The following HUS1 variants were observed in gnomAD, a reference collection of about 807,000 sequenced individuals.
HUS1 encodes the protein checkpoint protein HUS1.
In HUS1, 31 loss-of-function variants were observed where a neutral mutation model predicts 32.6. The observed-to-expected ratio is 0.95, with a 90% CI of 0.72 to 1.28. HUS1 has a LOEUF of 1.28. Ranked by LOEUF, HUS1 falls within the 50% of genes most tolerant of loss-of-function variation. The pLI, the probability that HUS1 is intolerant of heterozygous loss-of-function variation, is 0.00. For synonymous variants in HUS1, 123 were observed against 116.6 expected, an observed-to-expected ratio of 1.06 and a Z score of -0.36; for missense variants, 340 against 337.7, an observed-to-expected ratio of 1.01 and a Z score of -0.05.
In HUS1 at chr7:47,978,549, T is replaced by G; in HGVS notation, c.225A>C (p.Glu75Asp). ...TTAGCTCTAAATAAATCTCATTGTT[T>G]TCTGCAGAGACACCCTCCATTTGAA... ...NEFQMEGVSAENNEIYLELTS... is the reference protein window; with the variant it reads ...NEFQMEGVSADNNEIYLELTS... Residue 75 changes from glutamate (E) to aspartate (D), a missense_variant, in exon 3 of 8, where the codon GAA becomes GAC. Physicochemically the swap from Glu to Asp is conservative, Grantham distance 45. Coordinates refer to ENST00000258774, the MANE Select transcript of HUS1 (RefSeq NM_004507.4). 6.2e-7 allele frequency: 1 copy of G among 1,614,248 alleles called. No individual in the cohort carries two copies.
chr7:47,965,448 G>GA lies in HUS1; in HGVS notation c.761-11dup, dbSNP rs776289041. 6.2e-7 allele frequency: 1 copy of GA among 1,601,728 alleles called. No homozygotes were observed. The highest frequency in any genetic ancestry group is 8.6e-7 in the Non-Finnish European group (1 of 1,168,728). ...TTGTTATTCACAATATCTGGGAAGA[G>GA]AAAAGCCATGATTTTAGAGACCTAG... On this transcript the variant is annotated splice_polypyrimidine_tract_variant and intron_variant, in intron 7 of 7. Transcript: ENST00000258774.
chr7:47,974,476 C>A (rs555405019), intron 5 of HUS1, among the ~76,000 whole-genome samples: 41 of 152,028 alleles, frequency 2.7e-4, no homozygotes, highest in Middle Eastern at 3.2e-3. Context: ...AGAAACTGAA[C>A]AAAAAAGAAG....
chr7:47,974,217 A>G lies in HUS1; in HGVS notation c.540+1396T>C, dbSNP rs142895411. ...ATCCATGCAACACTTATTGCTGCCT[A>G]CTGAGTGGCAATCCCACACTGGGCA... On this transcript the variant is annotated intron_variant, in intron 5 of 7. Coordinates refer to ENST00000258774, the MANE Select transcript of HUS1 (RefSeq NM_004507.4). 7.4e-4 allele frequency among the ~76,000 whole-genome samples: 113 copies of G among 152,332 alleles called. 2 individuals are homozygous for G. Among genetic ancestry groups the G allele is most frequent in the African/African-American group, 2.5e-3 (105 of 41,580 alleles).
chr7:47,975,596 A>C lies in HUS1; in HGVS notation c.540+17T>G. On this transcript the variant is annotated intron_variant, in intron 5 of 7. Transcript: ENST00000258774. ...CCAAATACTTCAGAGTTCTTTTCTAAAGAAGTTGTGACTTACAAGGTGATT... is the reference window on the plus strand; with the variant it reads ...CCAAATACTTCAGAGTTCTTTTCTACAGAAGTTGTGACTTACAAGGTGATT... 6.4e-7 allele frequency: 1 copy of C among 1,552,642 alleles called. No individual in the cohort carries two copies. The highest frequency in any genetic ancestry group is 8.9e-7 in the Non-Finnish European group (1 of 1,124,720).
At chr7:47,969,348 GA>G in intron 5 of HUS1, 30 bp from the exon 6 acceptor site, 1 of 1,303,580 alleles carries the variant, frequency 7.7e-7, no homozygotes, top group Non-Finnish European at 1.1e-6. Context: ...CATAGTCTTA[GA>G]AAAGGAAGCC....
At position 47,979,481 on chromosome 7, in the gene HUS1, C is replaced by CA. The variant is rs1194509360; in HGVS notation, c.38dup (p.Asn14GlufsTer8). 8 of 1,613,396 alleles carry CA rather than the reference C, an allele frequency of 5.0e-6. No homozygotes were observed. Among genetic ancestry groups the CA allele is most frequent in the Non-Finnish European group, 6.8e-6 (8 of 1,179,932 alleles). ...CTCCCTGCTCACGTGTGAAGTGGTT[C>CA]AGACAGGCCCCGTCCACGATCTTGG... On this transcript the variant is annotated frameshift_variant, in exon 1 of 8. Transcript: ENST00000258774. LOFTEE classifies it high-confidence loss of function.
chr7:47,973,184 A>G (rs568428622), intron 5 of HUS1, among the ~76,000 whole-genome samples: 4 of 152,312 alleles, frequency 2.6e-5, no homozygotes, highest in East Asian at 3.9e-4. Context: ...CTGTGAGTCA[A>G]TTAAACCTCT....
Position 47,977,929 on chromosome 7 carries a change from A to G in HUS1, c.357+488T>C, listed in dbSNP as rs3176509. On this transcript the variant is annotated intron_variant, in intron 3 of 7. Coordinates refer to ENST00000258774, the MANE Select transcript of HUS1 (RefSeq NM_004507.4). ...ATACGAACCTCATTCTATGAGTAGGAAGAGCAACTCTGGATTGTATGTATG... is the reference window on the plus strand; with the variant it reads ...ATACGAACCTCATTCTATGAGTAGGGAGAGCAACTCTGGATTGTATGTATG... Among the ~76,000 whole-genome samples, 950 of 152,286 alleles carry G rather than the reference A, an allele frequency of 6.2e-3. 15 individuals carry two copies. Among genetic ancestry groups the G allele is most frequent in the African/African-American group, 0.021 (890 of 41,568 alleles).
intron 7 of HUS1, among the ~76,000 whole-genome samples, chr7:47,966,429 C>T (rs1788479292): frequency 6.6e-6 from 1 of 152,206 alleles, no homozygotes; most frequent in African/African-American, 2.4e-5. Flanking sequence ...GATAAGAACT[C>T]TTCCATGTTC....
rs1788410942 is a variant in HUS1, at chr7:47,963,454, C to T, written c.*1902G>A. The T allele has an allele frequency of 1.3e-5, 2 of 152,120 alleles. No homozygotes were observed. The highest frequency in any genetic ancestry group is 4.1e-4 in the South Asian group (2 of 4,832). The allele number at this position is 152,120 out of a possible 1,614,324, so 9.4% of individuals were successfully genotyped here. A position where few individuals can be genotyped will look rare whatever the true frequency, so the allele number is the denominator to read the frequency against. ...TAACAGCAATTTCAGTTTTATAAAACTACTTTCAGATATTGTTTCATTTTG... is the reference window on the plus strand; with the variant it reads ...TAACAGCAATTTCAGTTTTATAAAATTACTTTCAGATATTGTTTCATTTTG... On this transcript the variant is annotated 3_prime_UTR_variant, in exon 8 of 8. Coordinates refer to ENST00000258774, the MANE Select transcript of HUS1 (RefSeq NM_004507.4).
At chr7:47,968,504 C>T (rs960140209) in intron 6 of HUS1, among the ~76,000 whole-genome samples, 2 of 152,194 alleles carry the variant, frequency 1.3e-5, no homozygotes, top group South Asian at 2.1e-4. Flanking sequence ...CAAGCAGACT[C>T]GTAGTAACTT....
At position 47,965,230 on chromosome 7, in the gene HUS1, G is replaced by C. The variant is rs373879384; in HGVS notation, c.*126C>G. The stretch of plus-strand genomic sequence containing the variant: ...CAACTTTTAGTTAAAATGTTAGAGA[G>C]GGACAAATAAGTACAGTGTGTCGAT... On this transcript the variant is annotated 3_prime_UTR_variant, in exon 8 of 8. Coordinates refer to ENST00000258774, the MANE Select transcript of HUS1 (RefSeq NM_004507.4). The C allele has an allele frequency of 4.5e-5, 28 of 624,254 alleles. No individual in the cohort carries two copies. In the South Asian group the frequency reaches 5.3e-4, roughly 12 times the overall value. The allele number at this position is 624,254 out of a possible 1,614,324, so 38.7% of individuals were successfully genotyped here.
Position 47,967,874 on chromosome 7 carries a change from T to A in HUS1, c.692A>T (p.His231Leu). The A allele has an allele frequency of 6.2e-7, 1 of 1,614,068 alleles. No homozygotes were observed. Among genetic ancestry groups the A allele is most frequent in the Non-Finnish European group, 8.5e-7 (1 of 1,179,940 alleles). Residue 231 changes from histidine to leucine, a missense_variant, in exon 7 of 8, where the codon CAC (histidine) becomes CTC (leucine). Physicochemically the swap from His to Leu is moderately conservative, Grantham distance 99. Coordinates refer to ENST00000258774, the MANE Select transcript of HUS1 (RefSeq NM_004507.4). ...CTGTAGGAGCTTCCTAATATCTATG[T>A]GCACTTCAGCCATGTGTTCCACGTT... The part of the protein sequence containing the change: ...DRNVEHMAEV[H>L]IDIRKLLQFL...
rs1244623742 is a variant in HUS1 at position 47,965,198 on chromosome 7, G to A, written c.*158C>T. ...TGATATGTTTATCCAACTGTGTGTTGTTGAATCAACTTTTAGTTAAAATGT... is the reference window on the plus strand; with the variant it reads ...TGATATGTTTATCCAACTGTGTGTTATTGAATCAACTTTTAGTTAAAATGT... On this transcript the variant is annotated 3_prime_UTR_variant, in exon 8 of 8. Coordinates refer to ENST00000258774, the MANE Select transcript of HUS1 (RefSeq NM_004507.4). 2 of 545,396 alleles carry A rather than the reference G, an allele frequency of 3.7e-6. No homozygotes were observed. The highest frequency in any genetic ancestry group is 6.7e-6 in the Non-Finnish European group (2 of 300,612). 33.8% of individuals were successfully genotyped at this position (545,396 alleles called of 1,614,324 possible). A position where few individuals can be genotyped will look rare whatever the true frequency, so the allele number is the denominator to read the frequency against.
chr7:47,976,808 C>A lies in HUS1; in HGVS notation c.387G>T (p.Val129=). ...LLSMSSSSRI[V]THDIPIKVIP... ...TCACCTTTATGGGGATGTCATGGGTCACAATGCGGCTACTGCTTGACATAG... is the reference window on the plus strand; with the variant it reads ...TCACCTTTATGGGGATGTCATGGGTAACAATGCGGCTACTGCTTGACATAG... The change falls in exon 4 of 8, where the codon GTG becomes GTT. Residue 129 remains valine, a synonymous_variant. Coordinates refer to ENST00000258774, the MANE Select transcript of HUS1 (RefSeq NM_004507.4). 1 of 1,612,934 alleles carries A rather than the reference C, an allele frequency of 6.2e-7. No homozygotes were observed. The highest frequency in any genetic ancestry group is 1.1e-5 in the South Asian group (1 of 91,016).
At chr7:47,967,752 G>A in intron 7 of HUS1, 54 bp downstream of exon 7, 1 of 1,493,878 alleles carries the variant, frequency 6.7e-7, no homozygotes, top group Non-Finnish European at 9.1e-7. Flanking sequence ...AGAGTTGACT[G>A]CAGTATTTAG....
intron 7 of HUS1, among the ~76,000 whole-genome samples, chr7:47,965,988 CGA>C (rs1356149807): frequency 6.6e-6 from 1 of 151,974 alleles, no homozygotes; most frequent in Non-Finnish European, 1.5e-5. Flanking sequence ...TGACAACCAC[CGA>C]GAGCTCGGGG....
chr7:47,966,956 T>G (rs573167841), intron 7 of HUS1, among the ~76,000 whole-genome samples: 3 of 152,268 alleles, frequency 2.0e-5, no homozygotes, highest in African/African-American at 7.2e-5. Context: ...AAACACCCAT[T>G]GCCCCTCCCA....
At chr7:47,975,559 C>T in intron 5 of HUS1, 54 bp downstream of exon 5, 2 of 1,176,914 alleles carry the variant, frequency 1.7e-6, no homozygotes, top group South Asian at 1.2e-5. Flanking sequence ...CTGGAGAACC[C>T]ACGCCGTCCC....
Sources: gnomAD v4.1 joint callset for allele counts (sites outside exome capture counted in the v4.1 genomes callset) on GRCh38, gnomAD v4.1.1 for gene constraint, MANE v1.5 for transcripts, NCBI Gene and HGNC (gene_info 2026-07-23, HGNC 2026-07-21) for gene names.